Variants in BCAS1 observed in about 807,000 individuals in gnomAD.
The protein encoded by BCAS1 is brain enriched myelin associated protein 1.
A neutral mutation model predicts 65.4 loss-of-function variants in BCAS1; 46 were observed. The observed-to-expected ratio is 0.70, with a 90% CI of 0.55 to 0.90. The LOEUF (loss-of-function observed/expected upper bound fraction) is 0.90. Among genes scored for constraint, BCAS1 ranks in the 40% least tolerant of loss-of-function variants. The pLI is 0.00. For synonymous variants in BCAS1, 298 were observed against 293.5 expected (o/e 1.02, Z -0.16); for missense variants, 793 against 771.2 (o/e 1.03, Z -0.33).
intron 10 of BCAS1, 103 bp from the exon 11 acceptor site, chr20:53,957,600 T>C: frequency 1.8e-6 from 2 of 1,137,864 alleles, no homozygotes; most frequent in Non-Finnish European, 2.6e-6. Flanking sequence ...TCATTGAGGT[T>C]TGGGGTCAAG....
chr20:53,974,154 A>G (rs1269904498), intron 9 of BCAS1, among the ~76,000 whole-genome samples: 1 of 152,194 alleles, frequency 6.6e-6, no homozygotes, highest in Non-Finnish European at 1.5e-5. Context: ...ACTCTGTAAA[A>G]TGGACCAATT....
At chr20:53,955,313 T>A (rs1176870583) in intron 11 of BCAS1, among the ~76,000 whole-genome samples, 1 of 152,188 alleles carries the variant, frequency 6.6e-6, no homozygotes, top group African/African-American at 2.4e-5. Flanking sequence ...CTGTAATATA[T>A]GTCTTGAACA....
intron 3 of BCAS1, among the ~76,000 whole-genome samples, chr20:54,040,658 AC>A (rs1298367737): frequency 6.6e-6 from 1 of 151,228 alleles, no homozygotes; most frequent in African/African-American, 2.4e-5. Flanking sequence ...CTTCACACCC[AC>A]GAGGATGGCC....
intron 4 of BCAS1, among the ~76,000 whole-genome samples, chr20:54,024,953 C>T (rs563152284): frequency 2.6e-5 from 4 of 152,126 alleles, no homozygotes; most frequent in East Asian, 3.9e-4. Context: ...ATCTGAGGAC[C>T]GATGCACTTA....
chr20:54,060,945 G>A lies in BCAS1; in HGVS notation c.-5-2222C>T, dbSNP rs904309722. Among the ~76,000 whole-genome samples, 57 of 152,126 alleles carry A rather than the reference G, an allele frequency of 3.7e-4. 1 individual carries two copies. Among genetic ancestry groups the A allele is most frequent in the Non-Finnish European group, 1.5e-5 (1 of 68,022 alleles). ...CTCTCACATATGAGGCACAGACCTAGGTACATGACCACATCATCACCAAAC... is the reference window on the plus strand; with the variant it reads ...CTCTCACATATGAGGCACAGACCTAAGTACATGACCACATCATCACCAAAC... On this transcript the variant is annotated intron_variant, in intron 1 of 12. Coordinates refer to ENST00000688948, the MANE Select transcript of BCAS1 (RefSeq NM_001366298.2).
intron 4 of BCAS1, among the ~76,000 whole-genome samples, chr20:54,016,770 G>A (rs2091446963): frequency 6.6e-6 from 1 of 152,152 alleles, no homozygotes; most frequent in Admixed American, 6.5e-5. Flanking sequence ...AATTGAGTCT[G>A]GATAACACAG....
chr20:53,991,329 A>G (rs2090754655), intron 7 of BCAS1, among the ~76,000 whole-genome samples: 1 of 152,206 alleles, frequency 6.6e-6, no homozygotes, highest in South Asian at 2.1e-4. Flanking sequence ...TCACAGAACA[A>G]AATTATCCTG....
intron 11 of BCAS1, among the ~76,000 whole-genome samples, chr20:53,956,949 G>T (rs1344573880): frequency 6.6e-6 from 1 of 152,170 alleles, no homozygotes; most frequent in African/African-American, 2.4e-5. Flanking sequence ...TTCTGTTCAA[G>T]ACATAGATTC....
chr20:54,015,675 T>C (rs1289341130), intron 4 of BCAS1, among the ~76,000 whole-genome samples: 1 of 152,230 alleles, frequency 6.6e-6, no homozygotes, highest in African/African-American at 2.4e-5. Context: ...GTTGTTATTC[T>C]TTCTGAACAA....
chr20:54,005,003 C>T (rs942598411), intron 4 of BCAS1, among the ~76,000 whole-genome samples: 1 of 152,180 alleles, frequency 6.6e-6, no homozygotes, highest in Non-Finnish European at 1.5e-5. Context: ...AGGAAGCATT[C>T]AGTAATGGTT....
chr20:54,016,075 A>T (rs902678410), intron 4 of BCAS1, among the ~76,000 whole-genome samples: 1 of 152,220 alleles, frequency 6.6e-6, no homozygotes, highest in Non-Finnish European at 1.5e-5. Context: ...TTTTACCCAG[A>T]GGAGATTCTT....
chr20:54,025,612 G>A (rs2091654658), intron 4 of BCAS1, among the ~76,000 whole-genome samples: 1 of 152,102 alleles, frequency 6.6e-6, no homozygotes, highest in South Asian at 2.1e-4. Flanking sequence ...GCTTGTGGCT[G>A]GAATTCCAAT....
chr20:54,051,274 A>T (rs559919725), intron 3 of BCAS1, among the ~76,000 whole-genome samples: 1 of 152,336 alleles, frequency 6.6e-6, no homozygotes, highest in African/African-American at 2.4e-5. Flanking sequence ...TTTCTCCTTC[A>T]CAATCCACCA....
chr20:54,008,510 G>C (rs1461582307), intron 4 of BCAS1, among the ~76,000 whole-genome samples: 1 of 152,138 alleles, frequency 6.6e-6, no homozygotes, highest in Non-Finnish European at 1.5e-5. Context: ...TAGTAATAAG[G>C]AGTATACCCC....
At chr20:54,028,350 G>A (rs779949972) in intron 4 of BCAS1, 42 bp downstream of exon 4, 3 of 1,603,630 alleles carry the variant, frequency 1.9e-6, no homozygotes, top group South Asian at 1.1e-5. Flanking sequence ...GCGCCCCCGA[G>A]CATGCATTCA....
chr20:54,000,285 C>T (rs1282211993), intron 4 of BCAS1, among the ~76,000 whole-genome samples: 1 of 152,144 alleles, frequency 6.6e-6, no homozygotes, highest in Non-Finnish European at 1.5e-5. Flanking sequence ...GCTAAAATTC[C>T]TGCAATGCCC....
At chr20:54,069,082 C>G (rs956658204) in intron 1 of BCAS1, among the ~76,000 whole-genome samples, 1 of 152,186 alleles carries the variant, frequency 6.6e-6, no homozygotes, top group Non-Finnish European at 1.5e-5. Context: ...CCCCCACCCT[C>G]ACTTAAATGA....
rs555626102 is a variant in BCAS1 at position 54,009,729 on chromosome 20, C to A, written c.724-13679G>T. Among the ~76,000 whole-genome samples the A allele has an allele frequency of 3.4e-4, 51 of 152,088 alleles. 1 individual carries two copies. In the South Asian group the frequency reaches 8.9e-3, roughly 27 times the overall value. On this transcript the variant is annotated intron_variant, in intron 4 of 12. Coordinates refer to ENST00000688948, the MANE Select transcript of BCAS1 (RefSeq NM_001366298.2). ...CTAATTTATTTTATAAAGATAGTTACCAAAAACTTGGTACCAGAAACAGAT... is the reference window on the plus strand; with the variant it reads ...CTAATTTATTTTATAAAGATAGTTAACAAAAACTTGGTACCAGAAACAGAT...
At chr20:53,996,805 C>G (rs574000852) in intron 4 of BCAS1, among the ~76,000 whole-genome samples, 1 of 152,322 alleles carries the variant, frequency 6.6e-6, no homozygotes, top group Non-Finnish European at 1.5e-5. Context: ...TCTGACAGCT[C>G]TTGGAGTCAA....
Sources: allele counts gnomAD v4.1 joint callset (sites outside exome capture counted in the v4.1 genomes callset), GRCh38; gene constraint gnomAD v4.1.1; transcripts MANE v1.5; gene names NCBI Gene and HGNC (gene_info 2026-07-23, HGNC 2026-07-21).